NELL1: variants seen among roughly 807,000 people sequenced by gnomAD.
NELL1 encodes protein kinase C-binding protein NELL1.
A neutral mutation model predicts 107.4 loss-of-function variants in NELL1; 76 were observed. The ratio of observed to expected loss-of-function variants is 0.71; its 90% CI spans 0.59 to 0.86. NELL1 has a LOEUF of 0.86. Ranked by LOEUF, NELL1 falls within the 40% of genes least tolerant of loss-of-function variation. NELL1 has a pLI of 0.00. For missense variants in NELL1, 1,024 were observed against 1,005.5 expected (o/e 1.02, Z -0.25); for synonymous variants, 353 against 341.2 (o/e 1.03, Z -0.38).
At chr11:20,945,181 C>T (rs1850937025) in intron 10 of NELL1, among the ~76,000 whole-genome samples, 1 of 152,088 alleles carries the variant, frequency 6.6e-6, no homozygotes, top group Non-Finnish European at 1.5e-5. Context: ...GGTAGTGCCC[C>T]CAGGAGAAAC....
intron 12 of NELL1, among the ~76,000 whole-genome samples, chr11:21,102,608 C>T (rs995017484): frequency 3.3e-5 from 5 of 152,130 alleles, no homozygotes; most frequent in African/African-American, 1.2e-4. Context: ...CAGCACCTGG[C>T]ACTTGCAAAA....
chr11:21,233,387 C>T (rs1858116002), intron 14 of NELL1, among the ~76,000 whole-genome samples: 1 of 152,116 alleles, frequency 6.6e-6, no homozygotes, highest in Non-Finnish European at 1.5e-5. Context: ...TTTTCCCTCC[C>T]TTTCCTCCTT....
At chr11:20,854,371 C>T (rs1401096694) in intron 4 of NELL1, among the ~76,000 whole-genome samples, 1 of 152,164 alleles carries the variant, frequency 6.6e-6, no homozygotes, top group East Asian at 1.9e-4. Flanking sequence ...GATTCTATCT[C>T]ATCACAAGTC....
chr11:21,343,378 C>T (rs954913481), intron 14 of NELL1, among the ~76,000 whole-genome samples: 3 of 152,120 alleles, frequency 2.0e-5, no homozygotes, highest in Non-Finnish European at 2.9e-5. Flanking sequence ...CCCTCTCTTT[C>T]CTTATCTTTC....
At chr11:21,430,413 T>G (rs1490317722) in intron 15 of NELL1, among the ~76,000 whole-genome samples, 1 of 152,172 alleles carries the variant, frequency 6.6e-6, no homozygotes, top group African/African-American at 2.4e-5. Context: ...ATAAGCATCT[T>G]TTTTCTAGTT....
At position 20,885,501 on chromosome 11, in the gene NELL1, A is replaced by G. The variant is rs772658681; in HGVS notation, c.564A>G (p.Leu188=). ...CCAACCTTCCCCCAGGAATCAATTT[A>G]TGGCTTGGCCAGCGCAACCAAAAGC... ...PDTNLPPGIN[L]WLGQRNQKHG... The change falls in exon 5 of 20, where the codon TTA becomes TTG. Residue 188 remains leucine, a synonymous_variant. Transcript: ENST00000357134. 18 of 1,613,472 alleles carry G rather than the reference A, an allele frequency of 1.1e-5. 1 individual carries two copies. The South Asian group carries it at 1.8e-4, about 16-fold the overall frequency.
chr11:21,554,512 T>C (rs1465340028), intron 16 of NELL1, among the ~76,000 whole-genome samples: 1 of 151,374 alleles, frequency 6.6e-6, no homozygotes, highest in Non-Finnish European at 1.5e-5. Flanking sequence ...AGATCAGGAG[T>C]GGTGGTACAG....
chr11:20,723,153 C>T (rs922756509), intron 2 of NELL1, among the ~76,000 whole-genome samples: 1 of 152,118 alleles, frequency 6.6e-6, no homozygotes, highest in Non-Finnish European at 1.5e-5. Flanking sequence ...TATCATTCTG[C>T]CCCTGGCCCC....
chr11:21,122,183 C>G (rs537939142), intron 13 of NELL1, among the ~76,000 whole-genome samples: 2 of 152,072 alleles, frequency 1.3e-5, no homozygotes, highest in South Asian at 4.1e-4. Flanking sequence ...GTGAACAAAC[C>G]TATTAAGTAC....
At chr11:20,872,557 C>T (rs996920705) in intron 4 of NELL1, among the ~76,000 whole-genome samples, 8 of 152,038 alleles carry the variant, frequency 5.3e-5, no homozygotes, top group African/African-American at 1.9e-4. Context: ...TATCCTACTG[C>T]CTAGTAAAGT....
intron 3 of NELL1, among the ~76,000 whole-genome samples, chr11:20,822,473 A>C (rs910533613): frequency 2.0e-5 from 3 of 152,172 alleles, no homozygotes; most frequent in Non-Finnish European, 4.4e-5. Flanking sequence ...CGGAGACAGG[A>C]AGCCTTTTGT....
chr11:20,840,545 T>G (rs1397034959), intron 3 of NELL1, among the ~76,000 whole-genome samples: 2 of 152,116 alleles, frequency 1.3e-5, no homozygotes, highest in African/African-American at 4.8e-5. Context: ...CCAGTTGGGG[T>G]TGTCAACTAA....
At chr11:21,193,537 G>A (rs1016012496) in intron 13 of NELL1, among the ~76,000 whole-genome samples, 1 of 151,794 alleles carries the variant, frequency 6.6e-6, no homozygotes, top group Non-Finnish European at 1.5e-5. Context: ...TAGCCATCAG[G>A]CAATAAAGAA....
intron 15 of NELL1, among the ~76,000 whole-genome samples, chr11:21,391,428 T>C (rs1360160971): frequency 6.6e-6 from 1 of 151,802 alleles, no homozygotes. Flanking sequence ...AAATGTCCCC[T>C]ACATCTTCTC....
At chr11:21,273,465 T>C (rs1023414196) in intron 14 of NELL1, among the ~76,000 whole-genome samples, 30 of 152,208 alleles carry the variant, frequency 2.0e-4, no homozygotes, top group Admixed American at 5.2e-4. Flanking sequence ...AGGAACCAAG[T>C]TGGAAAACAC....
chr11:20,691,622 C>A, intron 2 of NELL1, among the ~76,000 whole-genome samples: 1 of 151,988 alleles, frequency 6.6e-6, no homozygotes, highest in East Asian at 1.9e-4. Flanking sequence ...CCTTGCATCC[C>A]AGGGATGAAG....
intron 14 of NELL1, among the ~76,000 whole-genome samples, chr11:21,292,206 C>T (rs995166021): frequency 6.6e-6 from 1 of 152,130 alleles, no homozygotes; most frequent in Non-Finnish European, 1.5e-5. Flanking sequence ...TCTCCTTAAC[C>T]TACCTGATAA....
intron 3 of NELL1, among the ~76,000 whole-genome samples, chr11:20,786,636 A>T (rs1856964672): frequency 6.6e-6 from 1 of 152,044 alleles, no homozygotes; most frequent in South Asian, 2.1e-4. Flanking sequence ...TTGTGTCCTC[A>T]GAAGAAAAAT....
At chr11:21,203,384 T>C (rs567245473) in intron 13 of NELL1, among the ~76,000 whole-genome samples, 2 of 152,160 alleles carry the variant, frequency 1.3e-5, no homozygotes, top group East Asian at 3.9e-4. Context: ...AATGCCCTTC[T>C]GTGTCTCTTT....
Sources: allele counts gnomAD v4.1 joint callset (sites outside exome capture counted in the v4.1 genomes callset), GRCh38; gene constraint gnomAD v4.1.1; transcripts MANE v1.5; gene names NCBI Gene and HGNC (gene_info 2026-07-23, HGNC 2026-07-21).